The following KCNK1 variants were observed in gnomAD, a reference collection of about 807,000 sequenced individuals.
KCNK1 encodes potassium two pore domain channel subfamily K member 1, also known as potassium channel subfamily K member 1.
KCNK1 carries 10 observed loss-of-function variants against 22.2 expected under a neutral mutation model. The observed-to-expected ratio is 0.45, with a 90% CI of 0.28 to 0.76. The LOEUF is 0.76. Ranked by LOEUF, KCNK1 falls within the 30% of genes least tolerant of loss-of-function variation. The probability of loss-of-function intolerance (pLI) is 0.14; values close to 1 mark genes in which losing one functional copy is unlikely to be tolerated. For missense variants in KCNK1, 378 were observed against 421.0 expected (o/e 0.90, Z 0.89); for synonymous variants, 200 against 186.4 (o/e 1.07, Z -0.60).
At chr1:233,645,782 A>G (rs1308149653) in intron 1 of KCNK1, among the ~76,000 whole-genome samples, 1 of 152,210 alleles carries the variant, frequency 6.6e-6, no homozygotes, top group Non-Finnish European at 1.5e-5. Context: ...ACAGAAGCTG[A>G]TAAATTAATC....
intron 1 of KCNK1, among the ~76,000 whole-genome samples, chr1:233,638,600 G>A (rs912585590): frequency 3.3e-5 from 5 of 152,154 alleles, no homozygotes; most frequent in African/African-American, 7.2e-5. Context: ...TGATGGCCAC[G>A]GTGACGCCAG....
intron 1 of KCNK1, among the ~76,000 whole-genome samples, chr1:233,638,052 T>C (rs1425085236): frequency 6.6e-6 from 1 of 152,010 alleles, no homozygotes; most frequent in African/African-American, 2.4e-5. Flanking sequence ...TTTATTTTTG[T>C]TATGTTGTTT....
intron 1 of KCNK1, among the ~76,000 whole-genome samples, chr1:233,615,450 C>A (rs1657471323): frequency 6.6e-6 from 1 of 152,232 alleles, no homozygotes; most frequent in Admixed American, 6.5e-5. Flanking sequence ...CCAGCCGGAC[C>A]TAGTAAGGCA....
At chr1:233,632,437 C>T (rs1657816793) in intron 1 of KCNK1, among the ~76,000 whole-genome samples, 1 of 152,098 alleles carries the variant, frequency 6.6e-6, no homozygotes, top group Non-Finnish European at 1.5e-5. Context: ...ACTAATGAAC[C>T]TCAGGGTTCA....
At chr1:233,636,756 C>CAGTGT (rs75227301) in intron 1 of KCNK1, among the ~76,000 whole-genome samples, 116,020 of 151,878 alleles carry the variant, frequency 0.76, 44,584 homozygotes, top group African/African-American at 0.84. Flanking sequence ...AACAGGTGAT[C>CAGTGT]CCTCTAGGAC....
At chr1:233,650,310 A>G (rs1416346105) in intron 1 of KCNK1, among the ~76,000 whole-genome samples, 1 of 152,164 alleles carries the variant, frequency 6.6e-6, no homozygotes, top group Non-Finnish European at 1.5e-5. Context: ...GTTCCTCTAT[A>G]TCAGATTCGT....
chr1:233,670,964 G>A (rs1194752459), intron 2 of KCNK1, among the ~76,000 whole-genome samples: 3 of 152,010 alleles, frequency 2.0e-5, no homozygotes, highest in African/African-American at 7.2e-5. Context: ...AGTGCAGTAT[G>A]TTATGTGTCT....
intron 1 of KCNK1, among the ~76,000 whole-genome samples, chr1:233,655,152 A>T (rs1002759806): frequency 3.9e-5 from 6 of 152,214 alleles, no homozygotes; most frequent in African/African-American, 9.6e-5. Flanking sequence ...GAGCCAAAGA[A>T]GATTATTCTC....
intron 1 of KCNK1, among the ~76,000 whole-genome samples, chr1:233,663,959 G>A (rs1471378954): frequency 6.6e-6 from 1 of 152,070 alleles, no homozygotes; most frequent in Non-Finnish European, 1.5e-5. Flanking sequence ...AGCCTCCCAA[G>A]TAGCTGGGAT....
chr1:233,623,053 G>A (rs1378616599), intron 1 of KCNK1, among the ~76,000 whole-genome samples: 2 of 152,140 alleles, frequency 1.3e-5, no homozygotes, highest in African/African-American at 4.8e-5. Flanking sequence ...GATGCATTCA[G>A]AGGACAGAAA....
intron 1 of KCNK1, among the ~76,000 whole-genome samples, chr1:233,666,173 A>G (rs1156424096): frequency 2.0e-5 from 3 of 152,114 alleles, no homozygotes; most frequent in Admixed American, 2.0e-4. Context: ...AGGTTTACAC[A>G]CTAATGAGGA....
At chr1:233,640,361 A>G (rs368166685) in intron 1 of KCNK1, among the ~76,000 whole-genome samples, 1 of 152,218 alleles carries the variant, frequency 6.6e-6, no homozygotes, top group Non-Finnish European at 1.5e-5. Flanking sequence ...TGGAATTCTT[A>G]TTGCTGAACT....
chr1:233,671,763 T>C lies in KCNK1; in HGVS notation c.*233T>C, dbSNP rs1658603914. On this transcript the variant is annotated 3_prime_UTR_variant, in exon 3 of 3. Transcript: ENST00000366621. ...AAATGAGATGTCCACCTAAAATTCATATGTGACAAAATTATCTCGACCTTA... is the reference window on the plus strand; with the variant it reads ...AAATGAGATGTCCACCTAAAATTCACATGTGACAAAATTATCTCGACCTTA... 1 of 550,558 alleles carries C rather than the reference T, an allele frequency of 1.8e-6. No individual in the cohort carries two copies. Among genetic ancestry groups the C allele is most frequent in the Non-Finnish European group, 3.2e-6 (1 of 311,920 alleles). 34.1% of individuals were successfully genotyped at this position (550,558 alleles called of 1,614,324 possible). A position where few individuals can be genotyped will look rare whatever the true frequency, so the allele number is the denominator to read the frequency against.
intron 1 of KCNK1, among the ~76,000 whole-genome samples, chr1:233,615,581 T>C (rs775011981): frequency 6.6e-6 from 1 of 152,218 alleles, no homozygotes; most frequent in African/African-American, 2.4e-5. Flanking sequence ...CATCTCGTCA[T>C]GCACAAGGTC....
At chr1:233,663,446 T>G (rs1219285446) in intron 1 of KCNK1, among the ~76,000 whole-genome samples, 2 of 152,220 alleles carry the variant, frequency 1.3e-5, no homozygotes, top group Non-Finnish European at 2.9e-5. Flanking sequence ...TATCATAATT[T>G]GAGAGAAAAT....
chr1:233,644,974 C>T (rs574485990), intron 1 of KCNK1, among the ~76,000 whole-genome samples: 13 of 152,182 alleles, frequency 8.5e-5, no homozygotes, highest in African/African-American at 2.6e-4. Context: ...GCGGGTGGAT[C>T]ACGAGGTCAG....
intron 1 of KCNK1, among the ~76,000 whole-genome samples, chr1:233,649,297 A>G (rs1277762173): frequency 6.6e-6 from 1 of 152,238 alleles, no homozygotes; most frequent in East Asian, 1.9e-4. Context: ...GTGCTTAAGT[A>G]TCTAGACTAG....
chr1:233,642,871 C>T (rs756756935), intron 1 of KCNK1, among the ~76,000 whole-genome samples: 3 of 151,644 alleles, frequency 2.0e-5, no homozygotes, highest in Non-Finnish European at 2.9e-5. Flanking sequence ...TGGGCTTGAA[C>T]GATTCTTCTG....
intron 1 of KCNK1, among the ~76,000 whole-genome samples, chr1:233,628,218 C>T (rs552864922): frequency 1.3e-4 from 20 of 152,210 alleles, no homozygotes; most frequent in African/African-American, 3.9e-4. Context: ...AAATTGTCAT[C>T]GGTGATATCA....
Sources: allele counts gnomAD v4.1 joint callset (sites outside exome capture counted in the v4.1 genomes callset), GRCh38; gene constraint gnomAD v4.1.1; transcripts MANE v1.5; gene names NCBI Gene and HGNC (gene_info 2026-07-23, HGNC 2026-07-21).